Variants in CDH12 observed in about 807,000 individuals in gnomAD.
The protein encoded by CDH12 is cadherin-12.
CDH12 carries 41 observed loss-of-function variants against 74.1 expected under a neutral mutation model. That is an observed-to-expected ratio of 0.55 (90% confidence interval 0.43 to 0.72). CDH12 has a LOEUF of 0.72. Among genes scored for constraint, CDH12 ranks in the 30% least tolerant of loss-of-function variants. The probability of loss-of-function intolerance (pLI) is 0.00; values close to 1 mark genes in which losing one functional copy is unlikely to be tolerated. For synonymous variants in CDH12, 399 were observed against 355.0 expected, an observed-to-expected ratio of 1.12 and a Z score of -1.39; for missense variants, 945 against 977.2, an observed-to-expected ratio of 0.97 and a Z score of 0.44.
At chr5:22,470,335 A>C (rs894215741) in intron 2 of CDH12, among the ~76,000 whole-genome samples, 6 of 152,020 alleles carry the variant, frequency 3.9e-5, no homozygotes, top group African/African-American at 1.4e-4. Flanking sequence ...CATTATTGAG[A>C]CTTAAAATTT....
At chr5:22,410,255 A>G (rs1419666609) in intron 2 of CDH12, among the ~76,000 whole-genome samples, 1 of 152,092 alleles carries the variant, frequency 6.6e-6, no homozygotes, top group African/African-American at 2.4e-5. Flanking sequence ...CATAAAAACC[A>G]GAATCCGTTT....
chr5:21,842,748 T>A (rs1233893262), intron 7 of CDH12, among the ~76,000 whole-genome samples: 1 of 152,222 alleles, frequency 6.6e-6, no homozygotes, highest in Non-Finnish European at 1.5e-5. Context: ...TACTTTCTTC[T>A]TTGTTTTTCT....
intron 1 of CDH12, among the ~76,000 whole-genome samples, chr5:22,586,812 C>T (rs1740424326): frequency 6.7e-6 from 1 of 150,126 alleles, no homozygotes; most frequent in Non-Finnish European, 1.5e-5. Flanking sequence ...AACATAATCC[C>T]CAATGCAACA....
At chr5:22,843,092 A>G (rs75888740) in intron 1 of CDH12, among the ~76,000 whole-genome samples, 8,257 of 152,148 alleles carry the variant, frequency 0.054, 331 homozygotes, top group South Asian at 0.18. Flanking sequence ...ATTTACAAAA[A>G]TTTGTTAAAT....
At chr5:22,134,276 C>T (rs1469359341) in intron 4 of CDH12, among the ~76,000 whole-genome samples, 5 of 152,174 alleles carry the variant, frequency 3.3e-5, no homozygotes, top group South Asian at 4.1e-4. Context: ...AGATGGTGAG[C>T]GTTCCGCTTG....
At chr5:21,755,890 T>C in intron 13 of CDH12, 48 bp from the exon 14 acceptor site, 1 of 1,585,718 alleles carries the variant, frequency 6.3e-7, no homozygotes, top group Non-Finnish European at 8.6e-7. Flanking sequence ...AAGCTTCACT[T>C]CAAATCTTCA....
chr5:22,462,175 C>G (rs779778617), intron 2 of CDH12, among the ~76,000 whole-genome samples: 2 of 152,010 alleles, frequency 1.3e-5, no homozygotes, highest in African/African-American at 2.4e-5. Context: ...AGCAATAAGT[C>G]TGACAAATAA....
intron 2 of CDH12, among the ~76,000 whole-genome samples, chr5:22,485,330 T>C (rs1461579324): frequency 6.6e-6 from 1 of 152,108 alleles, no homozygotes; most frequent in East Asian, 1.9e-4. Flanking sequence ...TGCAGGCACA[T>C]GCCACCATGC....
At chr5:21,918,153 TCA>T (rs199536974) in intron 6 of CDH12, among the ~76,000 whole-genome samples, 670 of 64,642 alleles carry the variant, frequency 0.01, 7 homozygotes, top group African/African-American at 0.018. Flanking sequence ...AAAAGATTTT[TCA>T]CATGTTTCAC....
At chr5:21,942,086 A>T (rs185956529) in intron 6 of CDH12, among the ~76,000 whole-genome samples, 4 of 152,194 alleles carry the variant, frequency 2.6e-5, no homozygotes, top group Admixed American at 2.6e-4. Flanking sequence ...GACTGAGAAG[A>T]TGCCTTCGAG....
intron 1 of CDH12, among the ~76,000 whole-genome samples, chr5:22,760,693 A>G (rs983209748): frequency 6.6e-6 from 1 of 151,050 alleles, no homozygotes; most frequent in Non-Finnish European, 1.5e-5. Flanking sequence ...AAAAAAAAAA[A>G]AAAAAAACAA....
intron 10 of CDH12, among the ~76,000 whole-genome samples, chr5:21,790,299 C>T (rs1202592253): frequency 6.6e-6 from 1 of 152,050 alleles, no homozygotes; most frequent in African/African-American, 2.4e-5. Flanking sequence ...CAAAGACTTA[C>T]ATAATATATA....
intron 4 of CDH12, among the ~76,000 whole-genome samples, chr5:22,209,634 C>A (rs1751417992): frequency 2.0e-5 from 3 of 149,980 alleles, no homozygotes; most frequent in South Asian, 4.3e-4. Context: ...CAGTAGTAAT[C>A]AGAATTAGCT....
chr5:22,104,574 G>A (rs1177974141), intron 4 of CDH12, among the ~76,000 whole-genome samples: 1 of 152,074 alleles, frequency 6.6e-6, no homozygotes, highest in Non-Finnish European at 1.5e-5. Context: ...TTTACAATAG[G>A]ATATCTACCC....
At chr5:22,787,102 C>T (rs1048471359) in intron 1 of CDH12, among the ~76,000 whole-genome samples, 6 of 151,734 alleles carry the variant, frequency 4.0e-5, no homozygotes, top group African/African-American at 1.5e-4. Flanking sequence ...TCACTGAACT[C>T]GTGCATGTTC....
chr5:22,292,444 CAGAGT>C (rs1051440247), intron 3 of CDH12, among the ~76,000 whole-genome samples: 1 of 147,754 alleles, frequency 6.8e-6, no homozygotes, highest in African/African-American at 2.5e-5. Context: ...AAACAATCAA[CAGAGT>C]AAAGGACAAT....
chr5:22,300,451 T>TA (rs1737831878), intron 3 of CDH12, among the ~76,000 whole-genome samples: 1 of 152,198 alleles, frequency 6.6e-6, no homozygotes, highest in Non-Finnish European at 1.5e-5. Flanking sequence ...ATCTATACCT[T>TA]ACAAAGGTCA....
rs556601517 is a variant in CDH12 at position 22,057,183 on chromosome 5, G to A, written c.231+21263C>T. On this transcript the variant is annotated intron_variant, in intron 5 of 14. Coordinates refer to ENST00000382254, the MANE Select transcript of CDH12 (RefSeq NM_004061.5). ...CCATTGTAGTGTGAAAGTAGCCATA[G>A]ACAATATTGAAACAAATAAGCATGT... Among the ~76,000 whole-genome samples the A allele has an allele frequency of 9.9e-5, 15 of 152,226 alleles. No individual in the cohort carries two copies. The East Asian group carries it at 2.7e-3, about 27-fold the overall frequency.
At chr5:22,561,607 T>A (rs1739052514) in intron 1 of CDH12, among the ~76,000 whole-genome samples, 3 of 152,162 alleles carry the variant, frequency 2.0e-5, no homozygotes, top group Non-Finnish European at 4.4e-5. Context: ...ATATGAAAGC[T>A]ATCTAATACA....
Sources: gnomAD v4.1 joint callset for allele counts (sites outside exome capture counted in the v4.1 genomes callset) on GRCh38, gnomAD v4.1.1 for gene constraint, MANE v1.5 for transcripts, NCBI Gene and HGNC (gene_info 2026-07-23, HGNC 2026-07-21) for gene names.